Variants in IL15RA observed in about 807,000 individuals in gnomAD.
IL15RA encodes the protein interleukin 15 receptor subunit alpha, also known as interleukin-15 receptor subunit alpha.
A neutral mutation model predicts 24.2 loss-of-function variants in IL15RA; 26 were observed. The observed-to-expected ratio is 1.07, with a 90% CI of 0.79 to 1.49. The LOEUF (loss-of-function observed/expected upper bound fraction) is 1.49. Ranked by LOEUF, IL15RA falls within the 40% of genes most tolerant of loss-of-function variation. IL15RA has a pLI of 0.00. For synonymous variants in IL15RA, 166 were observed against 157.6 expected (o/e 1.05, Z -0.40); for missense variants, 354 against 356.4 (o/e 0.99, Z 0.05).
Position 5,960,051 on chromosome 10 carries a change from G to T in IL15RA, c.584-265C>A, listed in dbSNP as rs7918460. On this transcript the variant is annotated intron_variant, in intron 4 of 6. Transcript: ENST00000379977. The surrounding 1 kb of genome is among the most constrained non-coding windows in gnomAD (Gnocchi z 5.1). ...AGATCCTGGCCCCGGACTGTAGGCA[G>T]CTTCACCACCTCCTACTGCAGGAGG... Among the ~76,000 whole-genome samples, 3,840 of 152,298 alleles carry T rather than the reference G, an allele frequency of 0.025. 72 individuals carry two copies. The highest frequency in any genetic ancestry group is 0.072 in the South Asian group (347 of 4,816).
Position 5,956,421 on chromosome 10 carries a change from C to T in IL15RA, c.650G>A (p.Gly217Glu), listed in dbSNP as rs1352206027. 1 of 1,614,080 alleles carries T rather than the reference C, an allele frequency of 6.2e-7. No homozygotes were observed. Among genetic ancestry groups the T allele is most frequent in the Non-Finnish European group, 8.5e-7 (1 of 1,179,986 alleles). Reference protein sequence around the residue: ...AISTSTVLLCGLSAVSLLACY... With the variant: ...AISTSTVLLCELSAVSLLACY... The stretch of plus-strand genomic sequence containing the variant: ...TGCCAGGAGAGACACAGCGCTCAGC[C>T]CACACAGCAGGACAGTGGACGTGGA... The change falls in exon 6 of 7, where the codon GGG (glycine) becomes GAG (glutamate). Residue 217 changes from glycine to glutamate, a missense_variant. Transcript: ENST00000379977.
rs1038550568 is a variant in IL15RA, at chr10:5,971,639, G to A, written c.89-5300C>T. 2.0e-5 allele frequency among the ~76,000 whole-genome samples: 3 copies of A among 152,206 alleles called. No individual in the cohort carries two copies. Among genetic ancestry groups the A allele is most frequent in the Non-Finnish European group, 4.4e-5 (3 of 68,042 alleles). On this transcript the variant is annotated intron_variant, in intron 1 of 6. Transcript: ENST00000379977. The surrounding 1 kb of genome is among the most constrained non-coding windows in gnomAD (Gnocchi z 5.5). The stretch of plus-strand genomic sequence containing the variant: ...CAGAGATGTGTCAGATATGGTTCCT[G>A]CCCTCAGGATGCTCACTGTGGAGCT...
In IL15RA at chr10:5,966,235, G is replaced by A. The variant is rs749538015; in HGVS notation, c.193C>T (p.Arg65Cys). 1.6e-5 allele frequency: 26 copies of A among 1,613,962 alleles called. 1 individual carries two copies. Among genetic ancestry groups the A allele is most frequent in the Middle Eastern group, 1.6e-4 (1 of 6,082 alleles). ...GTCAGGCTGGACGTGCCGGCTTTAC[G>A]CTTGAAACCAGAGTTACAAATGTAC... ...ERYICNSGFK[R>C]KAGTSSLTEC... The change falls in exon 2 of 7, where the codon CGT becomes TGT. Residue 65 changes from arginine to cysteine, a missense_variant. Arg to Cys is a radical substitution (Grantham distance 180). Coordinates refer to ENST00000379977, the MANE Select transcript of IL15RA (RefSeq NM_002189.4). This position sits in a 1 kb window ranked among gnomAD's most constrained non-coding sequence, Gnocchi z 6.4.
rs1055680044 is a variant in IL15RA, at chr10:5,977,422, C to G, written c.71G>C (p.Arg24Pro). The G allele has an allele frequency of 7.4e-7, 1 of 1,346,986 alleles. No homozygotes were observed. The highest frequency in any genetic ancestry group is 3.1e-5 in the East Asian group (1 of 32,204). The allele number at this position is 1,346,986 out of a possible 1,614,324, so 83.4% of individuals were successfully genotyped here. A position where few individuals can be genotyped will look rare whatever the true frequency, so the allele number is the denominator to read the frequency against. Residue 24 changes from arginine to proline, a missense_variant, in exon 1 of 7, where the codon CGG (arginine) becomes CCG (proline). Physicochemically the swap from Arg to Pro is moderately radical, Grantham distance 103. Coordinates refer to ENST00000379977, the MANE Select transcript of IL15RA (RefSeq NM_002189.4). ...LPALLLLLLLRPPATRGITCP... is the reference protein window; with the variant it reads ...LPALLLLLLLPPPATRGITCP... ...CTCCCTACCCCGCGTCGCCGGCGGC[C>G]GGAGCAGCAGCAGCAGTAGCAGCGC...
In IL15RA at chr10:5,963,999, C is replaced by T. The variant is rs1836050751; in HGVS notation, c.284-158G>A. Among the ~76,000 whole-genome samples, 1 of 152,196 alleles carries T rather than the reference C, an allele frequency of 6.6e-6. No individual in the cohort carries two copies. The highest frequency in any genetic ancestry group is 2.4e-5 in the African/African-American group (1 of 41,448). On this transcript the variant is annotated intron_variant, in intron 2 of 6. Coordinates refer to ENST00000379977, the MANE Select transcript of IL15RA (RefSeq NM_002189.4). The surrounding 1 kb of genome is among the most constrained non-coding windows in gnomAD (Gnocchi z 5.3). ...AAAAGCATAAGAAACAATGTTTCCCCACCCGAATGCAAAGATAGACTGCAA... is the reference window on the plus strand; with the variant it reads ...AAAAGCATAAGAAACAATGTTTCCCTACCCGAATGCAAAGATAGACTGCAA...
At chr10:5,951,504 A>G (rs1833877215), downstream of IL15RA, among the ~76,000 whole-genome samples, 1 of 152,012 alleles carries the variant, frequency 6.6e-6, no homozygotes, top group African/African-American at 2.4e-5. Context: ...CTCCCGCCCC[A>G]CCTACACTTC....
Position 5,953,660 on chromosome 10 carries a change from G to A in IL15RA, c.693-454C>T. On this transcript the variant is annotated intron_variant, in intron 6 of 6. Coordinates refer to ENST00000379977, the MANE Select transcript of IL15RA (RefSeq NM_002189.4). This position sits in a 1 kb window ranked among gnomAD's most constrained non-coding sequence, Gnocchi z 5.3. ...CTGCCAAAAAGCCATTCAAATGGCAGGAACAAGAGAAGGAGAGAGTGACTG... is the reference window on the plus strand; with the variant it reads ...CTGCCAAAAAGCCATTCAAATGGCAAGAACAAGAGAAGGAGAGAGTGACTG... The A allele has an allele frequency of 2.7e-6, 1 of 368,758 alleles. No individual in the cohort carries two copies. Among genetic ancestry groups the A allele is most frequent in the Non-Finnish European group, 4.9e-6 (1 of 203,918 alleles). 22.8% of individuals were successfully genotyped at this position (368,758 alleles called of 1,614,324 possible). A position where few individuals can be genotyped will look rare whatever the true frequency, so the allele number is the denominator to read the frequency against.
chr10:5,956,530 T>TCCCTCTGTAAGAACATCCATG, intron 5 of IL15RA, 76 bp from the exon 6 acceptor site: 1 of 1,118,632 alleles, frequency 8.9e-7, no homozygotes, highest in Non-Finnish European at 1.3e-6. Context: ...TTACCATGGA[T>TCCCTCTGTAAGAACATCCATG]GTTCTTACAG....
In IL15RA at chr10:5,952,954, C is replaced by G. The variant is rs180744502; in HGVS notation, c.*141G>C. On this transcript the variant is annotated 3_prime_UTR_variant, in exon 7 of 7. Transcript: ENST00000379977. ...CGCAGGAGGCGCCGACCCGGCAGTCCGTGAGATCCTGCTGGGACTTCTGAG... is the reference window on the plus strand; with the variant it reads ...CGCAGGAGGCGCCGACCCGGCAGTCGGTGAGATCCTGCTGGGACTTCTGAG... 5 of 681,128 alleles carry G rather than the reference C, an allele frequency of 7.3e-6. No homozygotes were observed. Among genetic ancestry groups the G allele is most frequent in the Non-Finnish European group, 1.0e-5 (4 of 384,552 alleles). 42.2% of individuals were successfully genotyped at this position (681,128 alleles called of 1,614,324 possible).
chr10:5,950,178 A>G (rs921902516), downstream of IL15RA, among the ~76,000 whole-genome samples: 20 of 152,180 alleles, frequency 1.3e-4, no homozygotes, highest in Admixed American at 6.5e-4. This position sits in a 1 kb window ranked among gnomAD's most constrained non-coding sequence, Gnocchi z 5.6. Flanking sequence ...TTCAAGGCAA[A>G]TGTGTAGGGC....
upstream of IL15RA, among the ~76,000 whole-genome samples, chr10:5,978,604 A>G (rs1318595329): frequency 2.0e-5 from 3 of 152,320 alleles, no homozygotes; most frequent in South Asian, 6.2e-4. The surrounding 1 kb of genome is among the most constrained non-coding windows in gnomAD (Gnocchi z 5.2). Flanking sequence ...AAGTTAAATA[A>G]AAGAATTTAG....
At position 5,975,858 on chromosome 10, in the gene IL15RA, AC is replaced by A. The variant is rs900254448; in HGVS notation, c.88+1546del. On this transcript the variant is annotated intron_variant, in intron 1 of 6. Transcript: ENST00000379977. This position sits in a 1 kb window ranked among gnomAD's most constrained non-coding sequence, Gnocchi z 4.8. ...CAGTGAGCTGAGATCGCGCTACTGC[AC>A]CCCAGCCGGGGTGACAGAGTGAGAC... Among the ~76,000 whole-genome samples the A allele has an allele frequency of 6.6e-6, 1 of 152,162 alleles. No homozygotes were observed. Among genetic ancestry groups the A allele is most frequent in the Non-Finnish European group, 1.5e-5 (1 of 68,016 alleles).
Position 5,960,590 on chromosome 10 carries a change from GACA to G in IL15RA, c.383-26_383-24del, listed in dbSNP as rs761402587. On this transcript the variant is annotated intron_variant, in intron 3 of 6. Coordinates refer to ENST00000379977, the MANE Select transcript of IL15RA (RefSeq NM_002189.4). The surrounding 1 kb of genome is among the most constrained non-coding windows in gnomAD (Gnocchi z 5.1). ...GCTCTGTAGGAGAGTCCAAGGCAGG[GACA>G]ACATCAGTGTGCAGACTCCCCTCCT... 1.9e-6 allele frequency: 3 copies of G among 1,605,490 alleles called. No homozygotes were observed. The highest frequency in any genetic ancestry group is 3.3e-5 in the Admixed American group (2 of 59,764).
chr10:5,953,052 G>T lies in IL15RA; in HGVS notation c.*43C>A. On this transcript the variant is annotated 3_prime_UTR_variant, in exon 7 of 7. Coordinates refer to ENST00000379977, the MANE Select transcript of IL15RA (RefSeq NM_002189.4). This position sits in a 1 kb window ranked among gnomAD's most constrained non-coding sequence, Gnocchi z 5.3. ...CAGTCGTCTTTAGCTAAAGCAGAGA[G>T]GCTCCTTCACTCCGGACTTAGCTGG... 7.1e-7 allele frequency: 1 copy of T among 1,398,694 alleles called. No homozygotes were observed. The highest frequency in any genetic ancestry group is 1.0e-6 in the Non-Finnish European group (1 of 984,064). The allele number at this position is 1,398,694 out of a possible 1,614,324, so 86.6% of individuals were successfully genotyped here.
intron 5 of IL15RA, among the ~76,000 whole-genome samples, chr10:5,956,856 C>T (rs1347310988): frequency 6.6e-6 from 1 of 152,148 alleles, no homozygotes; most frequent in African/African-American, 2.4e-5. Flanking sequence ...CCCTCCTCTG[C>T]TGTCCCCAGT....
At chr10:5,949,743 C>T (rs893320829), downstream of IL15RA, among the ~76,000 whole-genome samples, 1 of 152,136 alleles carries the variant, frequency 6.6e-6, no homozygotes, top group African/African-American at 2.4e-5. This position sits in a 1 kb window ranked among gnomAD's most constrained non-coding sequence, Gnocchi z 4.4. Context: ...TGGAAATCTG[C>T]ATCTATACAA....
chr10:5,959,798 AGAGGACAGCATCACGGCTC>A lies in IL15RA; in HGVS notation c.584-31_584-13del. The A allele has an allele frequency of 6.2e-7, 1 of 1,613,942 alleles. No homozygotes were observed. The highest frequency in any genetic ancestry group is 8.5e-7 in the Non-Finnish European group (1 of 1,179,874). On this transcript the variant is annotated splice_polypyrimidine_tract_variant and intron_variant, in intron 4 of 6. Coordinates refer to ENST00000379977, the MANE Select transcript of IL15RA (RefSeq NM_002189.4). This position sits in a 1 kb window ranked among gnomAD's most constrained non-coding sequence, Gnocchi z 4.1. ...CTGTGGATACACACCTGCGGAAAAG[AGAGGACAGCATCACGGCTC>A]GAGTCCTAGAGGTCCTAGTTCCTCA...
chr10:5,963,963 T>G lies in IL15RA; in HGVS notation c.284-122A>C, dbSNP rs1451943016. The G allele has an allele frequency of 1.6e-6, 1 of 622,040 alleles. No homozygotes were observed. The highest frequency in any genetic ancestry group is 2.0e-5 in the African/African-American group (1 of 50,490). The allele number at this position is 622,040 out of a possible 1,614,324, so 38.5% of individuals were successfully genotyped here. A position where few individuals can be genotyped will look rare whatever the true frequency, so the allele number is the denominator to read the frequency against. ...CTTACAGTGGAGGCCTCTGGCTTCC[T>G]CAGACAGGTTAAAAGCATAAGAAAC... On this transcript the variant is annotated intron_variant, in intron 2 of 6. Transcript: ENST00000379977. The surrounding 1 kb of genome is among the most constrained non-coding windows in gnomAD (Gnocchi z 5.3).
At position 5,961,962 on chromosome 10, in the gene IL15RA, A is replaced by G. The variant is rs1236134389; in HGVS notation, c.383-1395T>C. On this transcript the variant is annotated intron_variant, in intron 3 of 6. Coordinates refer to ENST00000379977, the MANE Select transcript of IL15RA (RefSeq NM_002189.4). This position sits in a 1 kb window ranked among gnomAD's most constrained non-coding sequence, Gnocchi z 5.2. ...CTCCAGGGCTCCCTGCACAGGACGC[A>G]CCAAGGCATCCTCAGCCAAGTGCCC... is the stretch of plus-strand genomic sequence containing the variant. Among the ~76,000 whole-genome samples the G allele has an allele frequency of 6.6e-6, 1 of 152,202 alleles. No homozygotes were observed. Among genetic ancestry groups the G allele is most frequent in the Non-Finnish European group, 1.5e-5 (1 of 68,024 alleles).
Sources: allele counts gnomAD v4.1 joint callset (sites outside exome capture counted in the v4.1 genomes callset), GRCh38; gene constraint gnomAD v4.1.1; non-coding constraint Gnocchi (gnomAD v3.1); transcripts MANE v1.5; gene names NCBI Gene and HGNC (gene_info 2026-07-23, HGNC 2026-07-21).